Variants in TEK observed in about 807,000 individuals in gnomAD.
TEK encodes the protein angiopoietin-1 receptor.
In TEK, 43 loss-of-function variants were observed where a neutral mutation model predicts 131.8. The observed-to-expected ratio is 0.33, with a 90% CI of 0.26 to 0.42. TEK has a LOEUF of 0.42. Among genes scored for constraint, TEK ranks in the 10% least tolerant of loss-of-function variants. The probability of loss-of-function intolerance (pLI) is 1.00; values close to 1 mark genes in which losing one functional copy is unlikely to be tolerated. For synonymous variants in TEK, 580 were observed against 491.6 expected, an observed-to-expected ratio of 1.18 and a Z score of -2.38; for missense variants, 1,162 against 1,384.4, an observed-to-expected ratio of 0.84 and a Z score of 2.55.
At chr9:27,163,176 C>T (rs1823607567) in intron 2 of TEK, among the ~76,000 whole-genome samples, 1 of 152,110 alleles carries the variant, frequency 6.6e-6, no homozygotes. Flanking sequence ...TGAGGCTTGG[C>T]TATTGTAACT....
chr9:27,172,249 C>T (rs1823985875), intron 4 of TEK, among the ~76,000 whole-genome samples: 1 of 152,162 alleles, frequency 6.6e-6, no homozygotes, highest in African/African-American at 2.4e-5. Flanking sequence ...CCTGCAGCTC[C>T]CTGGACATGC....
intron 1 of TEK, among the ~76,000 whole-genome samples, chr9:27,118,158 A>C (rs1372473428): frequency 6.6e-6 from 1 of 152,178 alleles, no homozygotes; most frequent in East Asian, 1.9e-4. Context: ...GTCAGAAACA[A>C]CCACAAAACA....
chr9:27,218,140 C>T (rs1036454471), intron 19 of TEK, among the ~76,000 whole-genome samples: 10 of 118,628 alleles, frequency 8.4e-5, no homozygotes, highest in East Asian at 3.3e-4. Context: ...TGGCGGGGGT[C>T]GTCTCTGCTT....
Position 27,170,070 on chromosome 9 carries a change from C to T in TEK, c.628+441C>T, listed in dbSNP as rs568623247. Among the ~76,000 whole-genome samples the T allele has an allele frequency of 3.3e-5, 5 of 152,210 alleles. No individual in the cohort carries two copies. In the South Asian group the frequency reaches 6.2e-4, roughly 19 times the overall value. ...ATGGCAAAAGAGGAAGCAAACACATCCTTCTTCACATGGCGGCAGGAGAGA... is the reference window on the plus strand; with the variant it reads ...ATGGCAAAAGAGGAAGCAAACACATTCTTCTTCACATGGCGGCAGGAGAGA... On this transcript the variant is annotated intron_variant, in intron 4 of 22. Transcript: ENST00000380036.
intron 18 of TEK, among the ~76,000 whole-genome samples, chr9:27,215,948 A>G (rs1016298383): frequency 1.3e-5 from 2 of 152,192 alleles, no homozygotes; most frequent in African/African-American, 4.8e-5. Context: ...GGATGTGAGA[A>G]TAAGTTGGAT....
Position 27,220,062 on chromosome 9 carries a change from C to A in TEK, c.3117C>A (p.Tyr1039Ter), listed in dbSNP as rs1471571855. 6.2e-7 allele frequency: 1 copy of A among 1,614,104 alleles called. No individual in the cohort carries two copies. Among genetic ancestry groups the A allele is most frequent in the Non-Finnish European group, 8.5e-7 (1 of 1,179,994 alleles). ...WEIVSLGGTPYCGMTCAELYE... is the reference protein window; with the variant it reads ...WEIVSLGGTP ...TTTGTCTTCCAGGAGGCACACCCTA[C>A]TGCGGGATGACTTGTGCAGAACTCT... Residue 1039 changes from tyrosine to a stop codon, truncating the protein, a stop_gained, in exon 21 of 23, where the codon TAC becomes TAA. Transcript: ENST00000380036. LOFTEE classifies it high-confidence loss of function.
intron 13 of TEK, among the ~76,000 whole-genome samples, chr9:27,203,765 G>T (rs1825304682): frequency 6.6e-6 from 1 of 152,264 alleles, no homozygotes; most frequent in Non-Finnish European, 1.5e-5. Context: ...TCTCTGTGTT[G>T]TGTACAATGT....
At chr9:27,213,717 T>G in intron 18 of TEK, 120 bp downstream of exon 18, 2 of 764,166 alleles carry the variant, frequency 2.6e-6, no homozygotes, top group East Asian at 2.7e-5. Context: ...TATGTCCCAG[T>G]AGATACTGTG....
Position 27,211,178 on chromosome 9 carries a change from T to TATATGA in TEK, c.2687-1525_2687-1524insGAATAT, listed in dbSNP as rs1170865636. Among the ~76,000 whole-genome samples the TATATGA allele has an allele frequency of 3.7e-4, 48 of 130,224 alleles. No individual in the cohort carries two copies. The East Asian group carries it at 6.4e-3, about 17-fold the overall frequency. 85.4% of individuals were successfully genotyped at this position (130,224 alleles called of 152,430 possible). On this transcript the variant is annotated intron_variant, in intron 16 of 22. Transcript: ENST00000380036. The stretch of plus-strand genomic sequence containing the variant: ...GTATGAATATATGTATGTGTATATA[T>TATATGA]ATATATGAATATATGTATATATATG...
At chr9:27,154,375 C>T (rs917839797) in intron 1 of TEK, among the ~76,000 whole-genome samples, 1 of 152,208 alleles carries the variant, frequency 6.6e-6, no homozygotes, top group Non-Finnish European at 1.5e-5. Context: ...GCATGAGCCA[C>T]CGCGCCCAGC....
At chr9:27,137,936 T>G (rs1441439018) in intron 1 of TEK, among the ~76,000 whole-genome samples, 1 of 152,152 alleles carries the variant, frequency 6.6e-6, no homozygotes, top group Non-Finnish European at 1.5e-5. Context: ...TGTCCAGAGT[T>G]TGTTCCTTCA....
At chr9:27,121,455 T>TAA (rs1821786458) in intron 1 of TEK, among the ~76,000 whole-genome samples, 2 of 149,508 alleles carry the variant, frequency 1.3e-5, no homozygotes, top group South Asian at 4.2e-4. Flanking sequence ...TAAATAAATT[T>TAA]TTTTTTTATT....
chr9:27,110,307 C>T (rs1421710132), intron 1 of TEK, among the ~76,000 whole-genome samples: 1 of 151,770 alleles, frequency 6.6e-6, no homozygotes, highest in Admixed American at 6.6e-5. Context: ...TAGGCAGTTA[C>T]CAAAATCTTT....
intron 1 of TEK, among the ~76,000 whole-genome samples, chr9:27,119,014 G>C (rs982086382): frequency 6.6e-6 from 1 of 152,158 alleles, no homozygotes; most frequent in South Asian, 2.1e-4. Flanking sequence ...TTGAGACGTG[G>C]GTCCAAGGAT....
intron 6 of TEK, 120 bp from the exon 7 acceptor site, chr9:27,180,120 T>C (rs890716875): frequency 5.6e-6 from 8 of 1,430,420 alleles, no homozygotes; most frequent in East Asian, 2.3e-5. Flanking sequence ...AATTACCCCC[T>C]ACCTTACACA....
chr9:27,226,694 C>T (rs1330852562), intron 21 of TEK, among the ~76,000 whole-genome samples: 8 of 151,998 alleles, frequency 5.3e-5, no homozygotes, highest in African/African-American at 1.9e-4. Context: ...TGCATGTTCT[C>T]CACATGTATC....
intron 18 of TEK, among the ~76,000 whole-genome samples, chr9:27,217,356 A>C (rs1248602081): frequency 6.6e-6 from 1 of 152,118 alleles, no homozygotes; most frequent in Admixed American, 6.5e-5. Context: ...TTATTAATAC[A>C]GTTAAATTCT....
In TEK at chr9:27,158,678, G is replaced by A. The variant is rs542522203; in HGVS notation, c.364+536G>A. ...TCTTTTCCTTTTTTTTTTTTTTTGGGGGGGTGGAGTCTCACTCTGTCACCG... is the reference window on the plus strand; with the variant it reads ...TCTTTTCCTTTTTTTTTTTTTTTGGAGGGGTGGAGTCTCACTCTGTCACCG... On this transcript the variant is annotated intron_variant, in intron 2 of 22. Coordinates refer to ENST00000380036, the MANE Select transcript of TEK (RefSeq NM_000459.5). Among the ~76,000 whole-genome samples the A allele has an allele frequency of 8.1e-5, 12 of 148,778 alleles. No homozygotes were observed. The South Asian group carries it at 1.7e-3, about 21-fold the overall frequency.
rs1564073063 is a variant in TEK, at chr9:27,169,386, G to A, written c.476-91G>A. The A allele has an allele frequency of 8.3e-6, 13 of 1,559,662 alleles. 1 individual carries two copies. Among genetic ancestry groups the A allele is most frequent in the African/African-American group, 1.4e-5 (1 of 73,798 alleles). On this transcript the variant is annotated intron_variant, in intron 3 of 22. Transcript: ENST00000380036. ...TGTGAGAGCACATTTTCTTGACCAT[G>A]TCAGGGAAAGCTAATTAAGTGGAGA...
Sources: allele counts gnomAD v4.1 joint callset (sites outside exome capture counted in the v4.1 genomes callset), GRCh38; gene constraint gnomAD v4.1.1; transcripts MANE v1.5; gene names NCBI Gene and HGNC (gene_info 2026-07-23, HGNC 2026-07-21).